The following IGF1R variants were observed in gnomAD, a reference collection of about 807,000 sequenced individuals.
IGF1R encodes insulin-like growth factor 1 receptor.
In IGF1R, 44 loss-of-function variants were observed where a neutral mutation model predicts 144.6. The observed-to-expected ratio is 0.30, with a 90% CI of 0.24 to 0.39. The LOEUF (loss-of-function observed/expected upper bound fraction) is 0.39. Ranked by LOEUF, IGF1R falls within the 10% of genes least tolerant of loss-of-function variation. IGF1R has a pLI of 1.00. For missense variants in IGF1R, 1,355 were observed against 1,833.7 expected (o/e 0.74, Z 4.77); for synonymous variants, 795 against 722.8 (o/e 1.10, Z -1.60).
At chr15:98,817,868 G>T (rs2056727785) in intron 2 of IGF1R, among the ~76,000 whole-genome samples, 2 of 152,166 alleles carry the variant, frequency 1.3e-5, no homozygotes, top group Non-Finnish European at 1.5e-5. Flanking sequence ...TACTTTCCCA[G>T]TCTTGCCTCT....
intron 2 of IGF1R, among the ~76,000 whole-genome samples, chr15:98,798,272 G>A (rs1320993276): frequency 1.3e-5 from 2 of 152,138 alleles, no homozygotes; most frequent in African/African-American, 4.8e-5. Context: ...AAGGTCTCTA[G>A]AGAGGTGACA....
intron 2 of IGF1R, among the ~76,000 whole-genome samples, chr15:98,765,051 T>C (rs1372697458): frequency 6.6e-6 from 1 of 152,208 alleles, no homozygotes; most frequent in Non-Finnish European, 1.5e-5. Context: ...TGCATATAAA[T>C]GCAGTTATAT....
At chr15:98,813,267 G>T (rs932786898) in intron 2 of IGF1R, among the ~76,000 whole-genome samples, 2 of 151,970 alleles carry the variant, frequency 1.3e-5, no homozygotes, top group South Asian at 2.1e-4. Flanking sequence ...CAAAGGCCAC[G>T]CCCCTCACTC....
At chr15:98,889,280 A>T (rs865984045) in intron 2 of IGF1R, among the ~76,000 whole-genome samples, 36 of 152,318 alleles carry the variant, frequency 2.4e-4, no homozygotes, top group Middle Eastern at 6.8e-3. Context: ...TTCAGAGGTG[A>T]CGCTATTCAT....
rs199789940 is a variant in IGF1R, at chr15:98,891,349, G to A, written c.665G>A (p.Arg222Gln). 21 of 1,607,134 alleles carry A rather than the reference G, an allele frequency of 1.3e-5. No individual in the cohort carries two copies. The highest frequency in any genetic ancestry group is 1.6e-5 in the Non-Finnish European group (19 of 1,179,892). ...GTGTGCCCAAGCACGTGTGGGAAGCGGGCGTGCACCGAGAACAATGAGTGC... is the reference window on the plus strand; with the variant it reads ...GTGTGCCCAAGCACGTGTGGGAAGCAGGCGTGCACCGAGAACAATGAGTGC... ...QKMCPSTCGK[R>Q]ACTENNECCH... is the part of the protein sequence containing the mutation. The change falls in exon 3 of 21, where the codon CGG becomes CAG. Residue 222 changes from arginine to glutamine, a missense_variant. This residue lies in a region of IGF1R where 880 missense variants were observed against 1,202.7 expected (regional missense o/e 0.73). Transcript: ENST00000650285. The surrounding 1 kb of genome is among the most constrained non-coding windows in gnomAD (Gnocchi z 4.7).
chr15:98,850,747 G>C (rs1287152689), intron 2 of IGF1R, among the ~76,000 whole-genome samples: 1 of 150,080 alleles, frequency 6.7e-6, no homozygotes, highest in African/African-American at 2.5e-5. Flanking sequence ...GCACTTGGTG[G>C]GGGGGGGTAC....
At chr15:98,952,303 A>AACACACACACACACACACACACACAC (rs143223923) in intron 20 of IGF1R, among the ~76,000 whole-genome samples, 15 of 146,678 alleles carry the variant, frequency 1.0e-4, no homozygotes, top group African/African-American at 3.3e-4. Flanking sequence ...GTACCCCACC[A>AACACACACACACACACACACACACAC]ACACACACAC....
intron 2 of IGF1R, among the ~76,000 whole-genome samples, chr15:98,810,370 C>T (rs1366170604): frequency 6.6e-6 from 1 of 152,120 alleles, no homozygotes; most frequent in Non-Finnish European, 1.5e-5. Flanking sequence ...CAAATTAAAA[C>T]CCTGCTATTT....
intron 18 of IGF1R, 82 bp from the exon 19 acceptor site, chr15:98,942,841 C>A: frequency 6.3e-7 from 1 of 1,576,700 alleles, no homozygotes; most frequent in Non-Finnish European, 8.7e-7. Context: ...TCTCTCCACA[C>A]ATAATGAGTG....
chr15:98,895,222 CCACACA>C (rs10704966), intron 3 of IGF1R, among the ~76,000 whole-genome samples: 7,131 of 143,278 alleles, frequency 0.05, 363 homozygotes, highest in African/African-American at 0.13. Flanking sequence ...TGACACAGCA[CCACACA>C]CACACACACA....
chr15:98,830,421 T>C (rs1271893419), intron 2 of IGF1R, among the ~76,000 whole-genome samples: 1 of 152,242 alleles, frequency 6.6e-6, no homozygotes, highest in Non-Finnish European at 1.5e-5. Flanking sequence ...AAACCTGCTT[T>C]CTGGACTCTA....
intron 2 of IGF1R, among the ~76,000 whole-genome samples, chr15:98,858,934 C>T (rs750351355): frequency 1.5e-4 from 23 of 152,332 alleles, no homozygotes; most frequent in Admixed American, 3.3e-4. Context: ...CAGTAAGCCT[C>T]CTCAATGGCA....
rs2151743945 is a variant in IGF1R at position 98,960,433 on chromosome 15, T to C, written c.*2991T>C. On this transcript the variant is annotated 3_prime_UTR_variant, in exon 21 of 21. Transcript: ENST00000650285. ...CAGGCTGTCCCTGGCTGGTTGTCTT[T>C]GGAACAAACTGCTTCTGTGCAGATG... 4.3e-6 allele frequency: 1 copy of C among 233,066 alleles called. No individual in the cohort carries two copies. Among genetic ancestry groups the C allele is most frequent in the Non-Finnish European group, 8.5e-6 (1 of 117,980 alleles). 14.4% of individuals were successfully genotyped at this position (233,066 alleles called of 1,614,324 possible). A position where few individuals can be genotyped will look rare whatever the true frequency, so the allele number is the denominator to read the frequency against.
intron 2 of IGF1R, among the ~76,000 whole-genome samples, chr15:98,806,901 CT>C (rs1386718503): frequency 2.0e-5 from 3 of 152,140 alleles, no homozygotes; most frequent in African/African-American, 7.2e-5. Context: ...TGGCTCACAC[CT>C]GTAATCCCAG....
chr15:98,649,421 G>T lies in IGF1R; in HGVS notation c.-161G>T, dbSNP rs1440485001. The T allele has an allele frequency of 6.8e-6, 3 of 442,024 alleles. No homozygotes were observed. The highest frequency in any genetic ancestry group is 2.1e-5 in the African/African-American group (1 of 48,286). 27.4% of individuals were successfully genotyped at this position (442,024 alleles called of 1,614,324 possible). The stretch of plus-strand genomic sequence containing the variant: ...TCCGCGCACCCGGAGGGCCCCGGCG[G>T]CGCCGCCTTCGGAGTATTGTTTCCT... On this transcript the variant is annotated 5_prime_UTR_variant, in exon 1 of 21. Transcript: ENST00000650285.
intron 1 of IGF1R, among the ~76,000 whole-genome samples, chr15:98,667,958 G>T (rs1482927633): frequency 6.6e-6 from 1 of 152,106 alleles, no homozygotes; most frequent in Admixed American, 6.5e-5. Context: ...GGGCTGTATG[G>T]ATGTCTTAGC....
At chr15:98,900,910 C>G in intron 5 of IGF1R, 1 of 151,770 alleles carries the variant, frequency 6.6e-6, no homozygotes, top group South Asian at 2.1e-4. Flanking sequence ...TTTCTTGTTG[C>G]TTAATGATAT....
chr15:98,691,442 C>T (rs573156896), intron 1 of IGF1R, among the ~76,000 whole-genome samples: 1 of 151,454 alleles, frequency 6.6e-6, no homozygotes, highest in African/African-American at 2.4e-5. Flanking sequence ...CGACTCACTG[C>T]AACTTCTGCC....
At chr15:98,948,743 GTTCTC>G (rs2151726863) in intron 20 of IGF1R, 35 bp downstream of exon 20, 1 of 1,611,754 alleles carries the variant, frequency 6.2e-7, no homozygotes. Flanking sequence ...GCTCTTCTGA[GTTCTC>G]TTCTCAAATA....
Sources: gnomAD v4.1 joint callset for allele counts (sites outside exome capture counted in the v4.1 genomes callset) on GRCh38, gnomAD v4.1.1 for gene constraint, gnomAD v4.1.1 regional missense constraint, Gnocchi (gnomAD v3.1) non-coding constraint, MANE v1.5 for transcripts, NCBI Gene and HGNC (gene_info 2026-07-23, HGNC 2026-07-21) for gene names.